The following EHBP1 variants were observed in gnomAD, a reference collection of about 807,000 sequenced individuals.
EHBP1 encodes EH domain-binding protein 1.
In EHBP1, 55 loss-of-function variants were observed where a neutral mutation model predicts 144.0. The ratio of observed to expected loss-of-function variants is 0.38; its 90% confidence interval spans 0.31 to 0.48. The LOEUF is 0.48. Among genes scored for constraint, EHBP1 ranks in the 20% least tolerant of loss-of-function variants. The pLI is 0.98. For synonymous variants in EHBP1, 469 were observed against 472.7 expected, an observed-to-expected ratio of 0.99 and a Z score of 0.10; for missense variants, 1,200 against 1,364.2, an observed-to-expected ratio of 0.88 and a Z score of 1.90.
intron 5 of EHBP1, among the ~76,000 whole-genome samples, chr2:62,804,577 A>G (rs2044296058): frequency 6.6e-6 from 1 of 152,248 alleles, no homozygotes; most frequent in Non-Finnish European, 1.5e-5. Flanking sequence ...TTGTTTACAT[A>G]AAAATAAAAA....
intron 21 of EHBP1, 39 bp downstream of exon 21, chr2:63,038,855 C>T: frequency 1.3e-6 from 2 of 1,563,988 alleles, no homozygotes; most frequent in Non-Finnish European, 1.8e-6. Flanking sequence ...TGTGACGTGT[C>T]AGTTGTCAAA....
chr2:62,747,876 A>T (rs1224813885), intron 3 of EHBP1, among the ~76,000 whole-genome samples: 1 of 152,048 alleles, frequency 6.6e-6, no homozygotes, highest in Non-Finnish European at 1.5e-5. Flanking sequence ...AAAGGACTTG[A>T]TAGAGGGAGT....
At chr2:62,992,815 G>A (rs1431925110) in intron 16 of EHBP1, among the ~76,000 whole-genome samples, 1 of 152,030 alleles carries the variant, frequency 6.6e-6, no homozygotes, top group Non-Finnish European at 1.5e-5. Flanking sequence ...CATTCAGCAG[G>A]CTTAGCTATT....
chr2:62,766,866 T>C (rs1475213040), intron 4 of EHBP1, among the ~76,000 whole-genome samples: 1 of 151,692 alleles, frequency 6.6e-6, no homozygotes, highest in Non-Finnish European at 1.5e-5. Flanking sequence ...AGGACAACTG[T>C]CTTTGAATCC....
chr2:62,834,564 A>G (rs188598870), intron 7 of EHBP1, among the ~76,000 whole-genome samples: 1 of 152,354 alleles, frequency 6.6e-6, no homozygotes. Flanking sequence ...GCTATTGCAC[A>G]CTTAATAGAC....
chr2:62,870,546 C>G lies in EHBP1; in HGVS notation c.999-3800C>G, dbSNP rs571799939. The stretch of plus-strand genomic sequence containing the variant: ...CCTGACCAACATGGTGAGACCCCCC[C>G]CATCTACTAAAAATACAAAATTAGC... On this transcript the variant is annotated intron_variant, in intron 9 of 22. Transcript: ENST00000431489. Among the ~76,000 whole-genome samples, 18 of 151,564 alleles carry G rather than the reference C, an allele frequency of 1.2e-4. No homozygotes were observed. In the South Asian group the frequency reaches 2.3e-3, roughly 19 times the overall value.
rs1022660558 is a variant in EHBP1, at chr2:62,809,085, G to A, written c.313-17002G>A. Among the ~76,000 whole-genome samples, 143 of 152,094 alleles carry A rather than the reference G, an allele frequency of 9.4e-4. 8 individuals carry two copies. Among genetic ancestry groups the A allele is most frequent in the Non-Finnish European group, 4.4e-5 (3 of 68,006 alleles). Reference sequence around the variant, plus strand: ...AGGCGGACAGATCACGAGGTCAGGAGTTCGAGAGCAGCCTGACCAGCATGG... The same window carrying A: ...AGGCGGACAGATCACGAGGTCAGGAATTCGAGAGCAGCCTGACCAGCATGG... On this transcript the variant is annotated intron_variant, in intron 5 of 22. Transcript: ENST00000431489.
chr2:62,996,585 A>G, intron 18 of EHBP1, 58 bp from the exon 19 acceptor site: 1 of 1,609,976 alleles, frequency 6.2e-7, no homozygotes, highest in South Asian at 1.1e-5. Flanking sequence ...GTTTGTAGAA[A>G]GGAAAAATGC....
chr2:62,727,094 C>A (rs2036883058), intron 2 of EHBP1, among the ~76,000 whole-genome samples: 1 of 152,294 alleles, frequency 6.6e-6, no homozygotes, highest in East Asian at 1.9e-4. Flanking sequence ...AACTCCTGAC[C>A]TTGTGATCCG....
chr2:62,987,135 A>C (rs928772903), intron 15 of EHBP1, among the ~76,000 whole-genome samples: 1 of 152,186 alleles, frequency 6.6e-6, no homozygotes, highest in East Asian at 1.9e-4. Context: ...TGCCTTTTCA[A>C]ATGTATAGAA....
intron 4 of EHBP1, among the ~76,000 whole-genome samples, chr2:62,767,037 G>C (rs1003394410): frequency 2.6e-5 from 4 of 151,528 alleles, no homozygotes; most frequent in Non-Finnish European, 5.9e-5. Context: ...GGTATTTCTG[G>C]GGTTAATGAG....
intron 10 of EHBP1, among the ~76,000 whole-genome samples, chr2:62,911,503 C>A (rs968948510): frequency 2.6e-5 from 4 of 151,964 alleles, no homozygotes; most frequent in Non-Finnish European, 4.4e-5. Context: ...ACTCTATCGC[C>A]CAGGCTGGAG....
chr2:62,946,305 A>G (rs1380394292), intron 12 of EHBP1, among the ~76,000 whole-genome samples: 5 of 152,222 alleles, frequency 3.3e-5, no homozygotes, highest in Admixed American at 1.3e-4. Flanking sequence ...ATTACTCCAT[A>G]CAGAAGACTG....
chr2:62,837,562 A>G (rs1163043383), intron 7 of EHBP1, among the ~76,000 whole-genome samples: 28 of 151,982 alleles, frequency 1.8e-4, no homozygotes, highest in Non-Finnish European at 3.5e-4. Flanking sequence ...ATAAAGAGTC[A>G]AGATCCATCA....
chr2:63,009,702 C>T (rs182788238), intron 19 of EHBP1, among the ~76,000 whole-genome samples: 3 of 151,424 alleles, frequency 2.0e-5, no homozygotes, highest in Admixed American at 2.0e-4. Flanking sequence ...TAGTCTTATG[C>T]AATCTATGTA....
intron 10 of EHBP1, among the ~76,000 whole-genome samples, chr2:62,907,936 G>A (rs1304509347): frequency 6.6e-6 from 1 of 152,154 alleles, no homozygotes; most frequent in Admixed American, 6.5e-5. Flanking sequence ...CCTGGAGGAG[G>A]AACATTTGGC....
At chr2:62,700,423 C>T (rs1360949317) in intron 1 of EHBP1, among the ~76,000 whole-genome samples, 3 of 151,982 alleles carry the variant, frequency 2.0e-5, no homozygotes, top group African/African-American at 7.3e-5. Context: ...TACATAGCAT[C>T]ACTATGTTGG....
At chr2:62,861,715 C>G (rs923116500) in intron 8 of EHBP1, among the ~76,000 whole-genome samples, 1 of 151,272 alleles carries the variant, frequency 6.6e-6, no homozygotes, top group Non-Finnish European at 1.5e-5. Flanking sequence ...GCACCCCAGC[C>G]TGGGCGACAG....
At chr2:62,721,335 CAT>C (rs1572959039) in intron 2 of EHBP1, among the ~76,000 whole-genome samples, 1 of 152,322 alleles carries the variant, frequency 6.6e-6, no homozygotes, top group East Asian at 1.9e-4. Context: ...TGATATACCA[CAT>C]GATATCAACG....
Sources: gnomAD v4.1 joint callset for allele counts (sites outside exome capture counted in the v4.1 genomes callset) on GRCh38, gnomAD v4.1.1 for gene constraint, MANE v1.5 for transcripts, NCBI Gene and HGNC (gene_info 2026-07-23, HGNC 2026-07-21) for gene names.